The following C1GALT1 variants were observed in gnomAD, a reference collection of about 807,000 sequenced individuals.
C1GALT1 encodes core 1 synthase, glycoprotein-N-acetylgalactosamine 3-beta-galactosyltransferase 1.
Under a neutral mutation model 31.0 loss-of-function variants are expected in C1GALT1, and 11 were observed. The ratio of observed to expected loss-of-function variants is 0.36; its 90% CI spans 0.22 to 0.59. C1GALT1 has a LOEUF of 0.59. C1GALT1 is among the 20% of genes least tolerant of loss of function. The probability of loss-of-function intolerance (pLI) is 0.79; values close to 1 mark genes in which losing one functional copy is unlikely to be tolerated. For missense variants in C1GALT1, 424 were observed against 425.2 expected (o/e 1.00, Z 0.03); for synonymous variants, 175 against 143.6 (o/e 1.22, Z -1.56).
At chr7:7,185,374 T>C (rs1359330997) in intron 1 of C1GALT1, among the ~76,000 whole-genome samples, 1 of 152,230 alleles carries the variant, frequency 6.6e-6, no homozygotes, top group Non-Finnish European at 1.5e-5. Flanking sequence ...TTGGTCATTG[T>C]ATTTTCTAGG....
rs1207947616 is a variant in C1GALT1 at position 7,196,792 on chromosome 7, A to G, written c.-18+13972A>G. Reference sequence around the variant, plus strand: ...GAAATGGTATCTTATTGTGGTTTTGATTTGCATTTCTCTGATGGCCAGTGA... The same window carrying G: ...GAAATGGTATCTTATTGTGGTTTTGGTTTGCATTTCTCTGATGGCCAGTGA... On this transcript the variant is annotated intron_variant, in intron 1 of 3. Coordinates refer to ENST00000436587, the MANE Select transcript of C1GALT1 (RefSeq NM_020156.5). Among the ~76,000 whole-genome samples the G allele has an allele frequency of 4.6e-5, 7 of 152,150 alleles. No homozygotes were observed. In the East Asian group the frequency reaches 1.4e-3, roughly 29 times the overall value.
intron 1 of C1GALT1, among the ~76,000 whole-genome samples, chr7:7,189,909 T>C (rs541529793): frequency 6.6e-6 from 1 of 152,252 alleles, no homozygotes; most frequent in African/African-American, 2.4e-5. Context: ...ATTAATTAAT[T>C]CAATACCATT....
chr7:7,168,841 C>T lies in C1GALT1; in HGVS notation c.-18+11415C>T, dbSNP rs577345739. Among the ~76,000 whole-genome samples, 6 of 152,192 alleles carry T rather than the reference C, an allele frequency of 3.9e-5. No individual in the cohort carries two copies. In the East Asian group the frequency reaches 9.6e-4, roughly 24 times the overall value. On this transcript the variant is annotated intron_variant, in intron 2 of 3. Coordinates refer to the C1GALT1 transcript ENST00000429911. ...AACACCGTAATTTAAAAATATACAC[C>T]GAATCATTTCTTTTTTTATTATGAT... is the stretch of plus-strand genomic sequence containing the variant.
At chr7:7,212,005 T>G (rs1267460983) in intron 1 of C1GALT1, among the ~76,000 whole-genome samples, 1 of 152,260 alleles carries the variant, frequency 6.6e-6, no homozygotes, top group East Asian at 1.9e-4. Context: ...TGAACTTTAG[T>G]CTTATACTTG....
intron 2 of C1GALT1, among the ~76,000 whole-genome samples, chr7:7,163,345 C>A (rs1780358214): frequency 6.6e-6 from 1 of 152,000 alleles, no homozygotes; most frequent in South Asian, 2.1e-4. Flanking sequence ...TATGACAAAC[C>A]CACAGCCAAT....
intron 1 of C1GALT1, among the ~76,000 whole-genome samples, chr7:7,231,453 T>G (rs555747561): frequency 6.6e-6 from 1 of 152,312 alleles, no homozygotes. Flanking sequence ...AACACTTACA[T>G]TAGACCCTTT....
intron 2 of C1GALT1, among the ~76,000 whole-genome samples, chr7:7,167,649 G>A (rs1780412586): frequency 6.6e-6 from 1 of 151,710 alleles, no homozygotes; most frequent in African/African-American, 2.4e-5. Context: ...TCTGTGGTAT[G>A]CTGACATCTT....
chr7:7,213,100 GTT>G (rs1782081278), intron 1 of C1GALT1, among the ~76,000 whole-genome samples: 1 of 152,144 alleles, frequency 6.6e-6, no homozygotes, highest in Non-Finnish European at 1.5e-5. Flanking sequence ...GTTAACTCTT[GTT>G]TTGCTTGATA....
intron 1 of C1GALT1, among the ~76,000 whole-genome samples, chr7:7,220,662 C>T (rs140233396): frequency 0.014 from 2,154 of 152,252 alleles, 47 homozygotes; most frequent in African/African-American, 0.048. Flanking sequence ...GCTGGGACTA[C>T]AGGCATGTGC....
intron 2 of C1GALT1, among the ~76,000 whole-genome samples, chr7:7,174,482 G>T (rs1000285588): frequency 6.6e-6 from 1 of 152,094 alleles, no homozygotes; most frequent in Non-Finnish European, 1.5e-5. Flanking sequence ...GGTGGCCCAT[G>T]CCTGTAATCC....
At chr7:7,199,877 G>A (rs963846002) in intron 1 of C1GALT1, among the ~76,000 whole-genome samples, 1 of 151,582 alleles carries the variant, frequency 6.6e-6, no homozygotes, top group Non-Finnish European at 1.5e-5. Context: ...GCTTTTTTTT[G>A]TTTTCCATTT....
chr7:7,199,923 C>G (rs200312350), intron 1 of C1GALT1, among the ~76,000 whole-genome samples: 2 of 152,184 alleles, frequency 1.3e-5, no homozygotes, highest in South Asian at 4.1e-4. Flanking sequence ...TTATTTTGAG[C>G]CTATGTGTGT....
intron 3 of C1GALT1, among the ~76,000 whole-genome samples, chr7:7,240,427 AGTACTACTTTGGATGCTTTTTTGAT>A (rs1340455366): frequency 6.6e-6 from 1 of 152,146 alleles, no homozygotes; most frequent in Non-Finnish European, 1.5e-5. Context: ...TTTTAGTGAG[AGTACTACTTTGGATGCTTTTTTGAT>A]GTAAACTTTT....
rs1583736303 is a variant in C1GALT1, at chr7:7,182,616, G to A, written c.-222G>A. On this transcript the variant is annotated 5_prime_UTR_variant, in exon 1 of 4. Transcript: ENST00000436587. ...CGCGCTGCGGGGAGGGGCGGAGCGAGCGGGCGGGAGCGCGCGCTGGGCCCG... is the reference window on the plus strand; with the variant it reads ...CGCGCTGCGGGGAGGGGCGGAGCGAACGGGCGGGAGCGCGCGCTGGGCCCG... 5.9e-6 allele frequency: 1 copy of A among 168,600 alleles called. No individual in the cohort carries two copies. The highest frequency in any genetic ancestry group is 1.2e-5 in the Non-Finnish European group (1 of 83,016). 10.4% of individuals were successfully genotyped at this position (168,600 alleles called of 1,614,324 possible).
At chr7:7,171,427 G>A (rs1192016699) in intron 2 of C1GALT1, among the ~76,000 whole-genome samples, 1 of 151,758 alleles carries the variant, frequency 6.6e-6, no homozygotes, top group Admixed American at 6.6e-5. Context: ...AGCCTCCTTG[G>A]CTCTCTTTTG....
intron 1 of C1GALT1, among the ~76,000 whole-genome samples, chr7:7,213,903 C>G (rs1317467204): frequency 2.0e-5 from 3 of 152,186 alleles, no homozygotes; most frequent in Non-Finnish European, 4.4e-5. Flanking sequence ...GGAGAAGACA[C>G]TGTAGTTCTT....
chr7:7,202,561 T>G (rs1432472487), intron 1 of C1GALT1, among the ~76,000 whole-genome samples: 1 of 152,194 alleles, frequency 6.6e-6, no homozygotes, highest in Non-Finnish European at 1.5e-5. Flanking sequence ...TTCCTCTGAA[T>G]TCTTTATTTC....
intron 1 of C1GALT1, among the ~76,000 whole-genome samples, chr7:7,191,639 TA>T (rs111981184): frequency 0.033 from 5,011 of 152,228 alleles, 185 homozygotes; most frequent in African/African-American, 0.091. Flanking sequence ...CTTCAACACT[TA>T]ACAATTTTCT....
chr7:7,173,740 A>G (rs1015369800), intron 2 of C1GALT1, among the ~76,000 whole-genome samples: 2 of 152,036 alleles, frequency 1.3e-5, no homozygotes, highest in Admixed American at 1.3e-4. Context: ...TATTTCTATA[A>G]AAAATACAAA....
Sources: gnomAD v4.1 joint callset for allele counts (sites outside exome capture counted in the v4.1 genomes callset) on GRCh38, gnomAD v4.1.1 for gene constraint, MANE v1.5 for transcripts, NCBI Gene and HGNC (gene_info 2026-07-23, HGNC 2026-07-21) for gene names.